The following CTNNA2 variants were observed in gnomAD, a reference collection of about 807,000 sequenced individuals.
The protein encoded by CTNNA2 is catenin alpha 2.
Under a neutral mutation model 101.0 loss-of-function variants are expected in CTNNA2, and 42 were observed. The ratio of observed to expected loss-of-function variants is 0.42; its 90% confidence interval spans 0.32 to 0.54. The LOEUF is 0.54. Among genes scored for constraint, CTNNA2 ranks in the 20% least tolerant of loss-of-function variants. The pLI, the probability that CTNNA2 is intolerant of heterozygous loss-of-function variation, is 0.14. For synonymous variants in CTNNA2, 450 were observed against 456.4 expected (o/e 0.99, Z 0.18); for missense variants, 871 against 1,223.1 (o/e 0.71, Z 4.29).
rs570555503 is a variant in CTNNA2, at chr2:79,345,088, T to C, written c.-317-28743T>C. Among the ~76,000 whole-genome samples the C allele has an allele frequency of 1.3e-4, 14 of 111,494 alleles. 1 individual carries two copies. In the East Asian group the frequency reaches 2.8e-3, roughly 22 times the overall value. 73.1% of individuals were successfully genotyped at this position (111,494 alleles called of 152,430 possible). A position where few individuals can be genotyped will look rare whatever the true frequency, so the allele number is the denominator to read the frequency against. ...CTGATTTGTTGTTGTTAATATTTTA[T>C]TATGGAATGTGTTTTTTTTTAAAAA... On this transcript the variant is annotated intron_variant, in intron 3 of 21. Coordinates refer to the CTNNA2 transcript ENST00000466387.
At chr2:79,434,630 T>G (rs1473268774) in intron 4 of CTNNA2, among the ~76,000 whole-genome samples, 1 of 151,796 alleles carries the variant, frequency 6.6e-6, no homozygotes, top group Non-Finnish European at 1.5e-5. Flanking sequence ...GATGCCAAAT[T>G]CAAAAAGGGG....
intron 7 of CTNNA2, among the ~76,000 whole-genome samples, chr2:80,037,073 G>C (rs1695716377): frequency 1.3e-5 from 2 of 152,156 alleles, no homozygotes. Flanking sequence ...TGTTACTGTT[G>C]AGTCAAAGAT....
At chr2:79,239,918 C>G (rs1434841674) in intron 2 of CTNNA2, among the ~76,000 whole-genome samples, 2 of 146,804 alleles carry the variant, frequency 1.4e-5, no homozygotes, top group Non-Finnish European at 3.0e-5. Flanking sequence ...TACATTTAGG[C>G]CAGTTTTCTT....
chr2:80,310,012 C>T (rs1389076377), intron 7 of CTNNA2, among the ~76,000 whole-genome samples: 4 of 152,008 alleles, frequency 2.6e-5, no homozygotes, highest in African/African-American at 7.2e-5. Flanking sequence ...TCAGGCCTCT[C>T]CCCAGACCCA....
chr2:80,612,271 G>A (rs1010616477), intron 17 of CTNNA2, among the ~76,000 whole-genome samples: 2 of 151,376 alleles, frequency 1.3e-5, no homozygotes, highest in African/African-American at 2.4e-5. Flanking sequence ...TATTGCCCAC[G>A]TTTCACATTA....
At chr2:80,006,993 G>A (rs954186395) in intron 7 of CTNNA2, among the ~76,000 whole-genome samples, 3 of 152,120 alleles carry the variant, frequency 2.0e-5, no homozygotes, top group Non-Finnish European at 2.9e-5. Flanking sequence ...TTTGTGGCTA[G>A]TAATGTTTCA....
upstream of CTNNA2, among the ~76,000 whole-genome samples, chr2:79,510,531 C>G (rs1671513391): frequency 6.6e-6 from 1 of 152,126 alleles, no homozygotes; most frequent in Non-Finnish European, 1.5e-5. Context: ...TTGAGGGTTC[C>G]CCTTTATTCA....
At position 79,766,115 on chromosome 2, in the gene CTNNA2, C is replaced by T. The variant is rs190130878; in HGVS notation, c.298+21533C>T. Among the ~76,000 whole-genome samples, 15 of 152,270 alleles carry T rather than the reference C, an allele frequency of 9.9e-5. No homozygotes were observed. The East Asian group carries it at 2.7e-3, about 27-fold the overall frequency. ...TGTTTCTTTGTGTACTTATTGTTAC[C>T]AGTAAGTTTTGTACCTTCAGGTGAT... On this transcript the variant is annotated intron_variant, in intron 3 of 18. Coordinates refer to ENST00000402739, the MANE Select transcript of CTNNA2 (RefSeq NM_001282597.3).
chr2:79,408,134 A>G, intron 4 of CTNNA2, among the ~76,000 whole-genome samples: 1 of 151,950 alleles, frequency 6.6e-6, no homozygotes, highest in Non-Finnish European at 1.5e-5. Context: ...TGACTCTGAG[A>G]ATCCGTCCCA....
rs557364128 is a variant in CTNNA2, at chr2:80,057,719, G to A, written c.1056+147922G>A. Among the ~76,000 whole-genome samples the A allele has an allele frequency of 1.3e-4, 20 of 152,258 alleles. No individual in the cohort carries two copies. The South Asian group carries it at 3.5e-3, about 27-fold the overall frequency. On this transcript the variant is annotated intron_variant, in intron 7 of 18. Coordinates refer to ENST00000402739, the MANE Select transcript of CTNNA2 (RefSeq NM_001282597.3). ...TCTTTTTGCATATCCCCATGAGCAG[G>A]ACAAAGGAAAGGACCAAGACTTCAA...
chr2:79,925,673 C>A (rs1240231028), intron 7 of CTNNA2, among the ~76,000 whole-genome samples: 1 of 152,112 alleles, frequency 6.6e-6, no homozygotes, highest in South Asian at 2.1e-4. Context: ...GCTTCCGGGT[C>A]CCCATTAGTA....
intron 2 of CTNNA2, among the ~76,000 whole-genome samples, chr2:79,672,449 A>G (rs1682904456): frequency 6.6e-6 from 1 of 152,172 alleles, no homozygotes; most frequent in Middle Eastern, 3.2e-3. Flanking sequence ...TTCTAAGAAA[A>G]TTGCCACTTT....
chr2:79,704,364 C>T (rs1211315028), intron 2 of CTNNA2, among the ~76,000 whole-genome samples: 2 of 152,128 alleles, frequency 1.3e-5, no homozygotes, highest in African/African-American at 2.4e-5. Context: ...TTTGACTTTA[C>T]AGTCTTTTAT....
At chr2:80,461,715 T>G (rs930005741) in intron 9 of CTNNA2, among the ~76,000 whole-genome samples, 3 of 152,050 alleles carry the variant, frequency 2.0e-5, no homozygotes, top group Non-Finnish European at 4.4e-5. Flanking sequence ...AGATTATGAG[T>G]CACAGGAGAA....
chr2:79,497,976 T>A (rs928388933), intron 4 of CTNNA2: 3 of 152,314 alleles, frequency 2.0e-5, no homozygotes, highest in African/African-American at 7.2e-5. Context: ...TTTTGTTGTT[T>A]TTTAGTTTCC....
At chr2:80,132,214 G>A (rs1286776017) in intron 7 of CTNNA2, among the ~76,000 whole-genome samples, 1 of 152,136 alleles carries the variant, frequency 6.6e-6, no homozygotes, top group Non-Finnish European at 1.5e-5. Context: ...TGGAGGAGAA[G>A]AGTAGACACA....
intron 7 of CTNNA2, among the ~76,000 whole-genome samples, chr2:79,960,074 T>C (rs1689524151): frequency 6.6e-6 from 1 of 152,152 alleles, no homozygotes; most frequent in Non-Finnish European, 1.5e-5. Flanking sequence ...TTGAGATGAG[T>C]AGAAGAACTT....
intron 2 of CTNNA2, among the ~76,000 whole-genome samples, chr2:79,310,573 A>G (rs1471457321): frequency 1.3e-5 from 2 of 152,218 alleles, no homozygotes; most frequent in East Asian, 1.9e-4. Context: ...TGTTGTCCAT[A>G]TAGGAACTAA....
intron 16 of CTNNA2, among the ~76,000 whole-genome samples, chr2:80,606,909 C>A (rs546267954): frequency 6.6e-6 from 1 of 151,762 alleles, no homozygotes; most frequent in African/African-American, 2.4e-5. Flanking sequence ...AAAGTTAATC[C>A]CTTTCCGTGT....
Sources: gnomAD v4.1 joint callset for allele counts (sites outside exome capture counted in the v4.1 genomes callset) on GRCh38, gnomAD v4.1.1 for gene constraint, MANE v1.5 for transcripts, NCBI Gene and HGNC (gene_info 2026-07-23, HGNC 2026-07-21) for gene names.